GRID2: variants seen among roughly 807,000 people sequenced by gnomAD.
The protein encoded by GRID2 is glutamate ionotropic receptor delta type subunit 2, also known as glutamate receptor ionotropic, delta-2.
Under a neutral mutation model 114.8 loss-of-function variants are expected in GRID2, and 33 were observed. The observed-to-expected ratio is 0.29, with a 90% CI of 0.22 to 0.38. The LOEUF is 0.38. Ranked by LOEUF, GRID2 falls within the 10% of genes least tolerant of loss-of-function variation. The probability of loss-of-function intolerance (pLI) is 1.00; values close to 1 mark genes in which losing one functional copy is unlikely to be tolerated. For synonymous variants in GRID2, 505 were observed against 449.9 expected, an observed-to-expected ratio of 1.12 and a Z score of -1.55; for missense variants, 1,184 against 1,257.7, an observed-to-expected ratio of 0.94 and a Z score of 0.89.
intron 5 of GRID2, among the ~76,000 whole-genome samples, chr4:93,215,007 C>T (rs1293246429): frequency 6.6e-6 from 1 of 151,960 alleles, no homozygotes; most frequent in Non-Finnish European, 1.5e-5. Context: ...CTTCCTGAAT[C>T]TTTGTTTATA....
chr4:93,545,207 A>C (rs1733092665), intron 13 of GRID2, among the ~76,000 whole-genome samples: 1 of 152,184 alleles, frequency 6.6e-6, no homozygotes, highest in Admixed American at 6.5e-5. Context: ...AACTAGAAAA[A>C]ATGAAAACGG....
intron 2 of GRID2, among the ~76,000 whole-genome samples, chr4:92,883,568 C>G (rs955496026): frequency 2.6e-5 from 4 of 152,146 alleles, no homozygotes; most frequent in Non-Finnish European, 4.4e-5. Flanking sequence ...TTAAGAAATA[C>G]ATTTCTTAAA....
chr4:92,487,148 G>A (rs772284034), intron 1 of GRID2, among the ~76,000 whole-genome samples: 10 of 151,512 alleles, frequency 6.6e-5, no homozygotes, highest in South Asian at 2.1e-4. Flanking sequence ...TTCCTATTGC[G>A]TTTCTGATTT....
chr4:93,519,250 T>C (rs755487064), intron 13 of GRID2, among the ~76,000 whole-genome samples: 4 of 152,108 alleles, frequency 2.6e-5, no homozygotes, highest in Non-Finnish European at 4.4e-5. Flanking sequence ...GCAAATCATA[T>C]GACTATTGTG....
At chr4:92,463,355 A>G (rs1343002844) in intron 1 of GRID2, among the ~76,000 whole-genome samples, 1 of 152,010 alleles carries the variant, frequency 6.6e-6, no homozygotes, top group Non-Finnish European at 1.5e-5. Context: ...CACTCCTCCT[A>G]TAGGTCTACC....
intron 1 of GRID2, among the ~76,000 whole-genome samples, chr4:92,389,062 C>T (rs1183705535): frequency 6.6e-6 from 1 of 152,072 alleles, no homozygotes; most frequent in East Asian, 1.9e-4. Flanking sequence ...GCATACATAA[C>T]AATTTCTATA....
At chr4:92,919,928 T>A (rs1749163606) in intron 2 of GRID2, among the ~76,000 whole-genome samples, 1 of 152,166 alleles carries the variant, frequency 6.6e-6, no homozygotes, top group Non-Finnish European at 1.5e-5. Context: ...CTCATTGATC[T>A]GTCTAATGTT....
At chr4:92,319,725 T>C in intron 1 of GRID2, among the ~76,000 whole-genome samples, 1 of 152,334 alleles carries the variant, frequency 6.6e-6, no homozygotes, top group African/African-American at 2.4e-5. Flanking sequence ...GACAATATTT[T>C]ACATCCCTGA....
At chr4:92,305,580 A>T (rs1725349522) in intron 1 of GRID2, among the ~76,000 whole-genome samples, 1 of 152,120 alleles carries the variant, frequency 6.6e-6, no homozygotes, top group Non-Finnish European at 1.5e-5. Context: ...GCAGACAGCG[A>T]AGGCGCCGGG....
intron 8 of GRID2, among the ~76,000 whole-genome samples, chr4:93,300,238 G>A (rs1174156667): frequency 1.3e-5 from 2 of 151,878 alleles, no homozygotes; most frequent in African/African-American, 4.8e-5. Flanking sequence ...TCCCATGCCT[G>A]GCATATTTTT....
At chr4:93,086,281 C>T (rs1175817289) in intron 3 of GRID2, among the ~76,000 whole-genome samples, 1 of 152,154 alleles carries the variant, frequency 6.6e-6, no homozygotes, top group African/African-American at 2.4e-5. Context: ...TGTAGCATAA[C>T]TTATTTTTCT....
intron 1 of GRID2, among the ~76,000 whole-genome samples, chr4:92,534,476 G>A (rs1009626855): frequency 2.0e-5 from 3 of 152,034 alleles, no homozygotes; most frequent in Admixed American, 2.0e-4. Context: ...ATCAAAGAGG[G>A]GGACAATTTG....
At chr4:92,311,094 C>G (rs1321854467) in intron 1 of GRID2, among the ~76,000 whole-genome samples, 1 of 152,010 alleles carries the variant, frequency 6.6e-6, no homozygotes, top group Non-Finnish European at 1.5e-5. Context: ...GTGTTACCTA[C>G]AGCATCACTC....
intron 13 of GRID2, among the ~76,000 whole-genome samples, chr4:93,549,644 T>C (rs1357430909): frequency 1.3e-5 from 2 of 152,144 alleles, no homozygotes; most frequent in Admixed American, 6.6e-5. Flanking sequence ...GATAAACATA[T>C]CCATAAAATT....
chr4:93,656,050 TTA>T (rs1252110825), intron 14 of GRID2, among the ~76,000 whole-genome samples: 1 of 145,514 alleles, frequency 6.9e-6, no homozygotes, highest in African/African-American at 2.5e-5. Flanking sequence ...CATAAAAACA[TTA>T]TATATATATA....
At chr4:92,767,500 G>A (rs997198032) in intron 2 of GRID2, among the ~76,000 whole-genome samples, 2 of 152,032 alleles carry the variant, frequency 1.3e-5, no homozygotes, top group African/African-American at 4.8e-5. Flanking sequence ...TTAAGACAAA[G>A]CATTTCATGG....
At chr4:93,385,871 T>C (rs1440839239) in intron 8 of GRID2, among the ~76,000 whole-genome samples, 1 of 152,146 alleles carries the variant, frequency 6.6e-6, no homozygotes, top group African/African-American at 2.4e-5. Context: ...CCACCCATCC[T>C]AATGTTCTTT....
chr4:92,627,837 AAATC>A (rs1238569452), intron 2 of GRID2, among the ~76,000 whole-genome samples: 1 of 152,134 alleles, frequency 6.6e-6, no homozygotes, highest in Non-Finnish European at 1.5e-5. Context: ...ACAAAACAAT[AAATC>A]AAGCTCTGAT....
At chr4:92,431,300 G>T (rs1448115655) in intron 1 of GRID2, among the ~76,000 whole-genome samples, 2 of 152,050 alleles carry the variant, frequency 1.3e-5, no homozygotes, top group African/African-American at 2.4e-5. Context: ...TTTTTTGATG[G>T]TTTTTGTCAT....
Sources: gnomAD v4.1 joint callset for allele counts (sites outside exome capture counted in the v4.1 genomes callset) on GRCh38, gnomAD v4.1.1 for gene constraint, MANE v1.5 for transcripts, NCBI Gene and HGNC (gene_info 2026-07-23, HGNC 2026-07-21) for gene names.